STX3: variants seen among roughly 807,000 people sequenced by gnomAD.
The protein encoded by STX3 is syntaxin 3, also known as syntaxin-3.
STX3 carries 19 observed loss-of-function variants against 40.2 expected under a neutral mutation model. The ratio of observed to expected loss-of-function variants is 0.47; its 90% CI spans 0.33 to 0.69. The LOEUF is 0.69. Among genes scored for constraint, STX3 ranks in the 30% least tolerant of loss-of-function variants. STX3 has a pLI of 0.02. For missense variants in STX3, 364 were observed against 366.7 expected (o/e 0.99, Z 0.06); for synonymous variants, 122 against 132.2 (o/e 0.92, Z 0.53).
At chr11:59,796,891 G>T (rs945071194) in intron 9 of STX3, among the ~76,000 whole-genome samples, 1 of 152,148 alleles carries the variant, frequency 6.6e-6, no homozygotes, top group Non-Finnish European at 1.5e-5. Context: ...TGAGAGGATT[G>T]CTTGAGCCCA....
At chr11:59,760,353 A>G (rs1218303202) in intron 1 of STX3, among the ~76,000 whole-genome samples, 1 of 146,702 alleles carries the variant, frequency 6.8e-6, no homozygotes, top group Non-Finnish European at 1.5e-5. Context: ...AACTTAGAAT[A>G]CTCTCCTCCA....
At chr11:59,795,003 A>G (rs1865428900) in intron 8 of STX3, among the ~76,000 whole-genome samples, 1 of 152,246 alleles carries the variant, frequency 6.6e-6, no homozygotes, top group South Asian at 2.1e-4. Flanking sequence ...TGATGTCCTA[A>G]TAACAATGAG....
chr11:59,755,702 T>C, intron 1 of STX3, 67 bp downstream of exon 1: 1 of 1,487,070 alleles, frequency 6.7e-7, no homozygotes, highest in Non-Finnish European at 8.9e-7. Context: ...TTCCCTTTGC[T>C]CCCCAAGTCG....
chr11:59,800,669 C>T, intron 10 of STX3, 186 bp from the exon 11 acceptor site: 1 of 985,400 alleles, frequency 1.0e-6, no homozygotes, highest in Non-Finnish European at 1.2e-6. Flanking sequence ...TTTTTCCCCT[C>T]TCACAGTAGG....
intron 1 of STX3, among the ~76,000 whole-genome samples, chr11:59,771,517 GC>G (rs1462166330): frequency 6.6e-6 from 1 of 151,826 alleles, no homozygotes; most frequent in Non-Finnish European, 1.5e-5. Context: ...TGCAGTGGGA[GC>G]TTAGGGAGGT....
In STX3 at chr11:59,805,020, T is replaced by A. The variant is rs1866026220; in HGVS notation, c.*4196T>A. 2 of 151,948 alleles carry A rather than the reference T, an allele frequency of 1.3e-5. No individual in the cohort carries two copies. Among genetic ancestry groups the A allele is most frequent in the South Asian group, 4.2e-4 (2 of 4,814 alleles). The allele number at this position is 151,948 out of a possible 1,614,324, so 9.4% of individuals were successfully genotyped here. ...AGTGAAACCCCCTCTCTACAAAAAA[T>A]ACAAAAATTAGCCAGGCATGGTGGC... On this transcript the variant is annotated 3_prime_UTR_variant, in exon 11 of 11. Coordinates refer to ENST00000337979, the MANE Select transcript of STX3 (RefSeq NM_004177.5).
At chr11:59,795,803 T>C (rs1590827150) in intron 9 of STX3, 3 of 1,140,460 alleles carry the variant, frequency 2.6e-6, no homozygotes, top group East Asian at 5.1e-5. Context: ...CTTGAGCCCA[T>C]GCCTCCCTCC....
At chr11:59,794,435 T>C (rs1193918541) in intron 8 of STX3, among the ~76,000 whole-genome samples, 1 of 152,212 alleles carries the variant, frequency 6.6e-6, no homozygotes, top group African/African-American at 2.4e-5. Context: ...CTGCACAACC[T>C]AGTTGAAGCT....
At chr11:59,786,261 AG>A (rs1323704258) in intron 2 of STX3, among the ~76,000 whole-genome samples, 2 of 111,534 alleles carry the variant, frequency 1.8e-5, no homozygotes, top group African/African-American at 7.1e-5. Flanking sequence ...TTTTTTTTTG[AG>A]GCAGTCTCGC....
chr11:59,781,483 C>T lies in STX3; in HGVS notation c.115-5554C>T, dbSNP rs1590794136. ...TTGCAGACAGTCTGAGTTTTTCTGC[C>T]ATCAGCTGTGGTTTCTTCAAACTTC... On this transcript the variant is annotated intron_variant, in intron 2 of 10. Coordinates refer to ENST00000337979, the MANE Select transcript of STX3 (RefSeq NM_004177.5). 3 of 1,613,564 alleles carry T rather than the reference C, an allele frequency of 1.9e-6. No individual in the cohort carries two copies. In the African/African-American group the frequency reaches 4.0e-5, roughly 22 times the overall value.
chr11:59,794,194 G>A lies in STX3; in HGVS notation c.675+680G>A, dbSNP rs561038177. ...CAAAATAGCATTGACAGAAAGACTC[G>A]AAACACTCGTGGTGCTAGTTTGACA... On this transcript the variant is annotated intron_variant, in intron 8 of 10. Transcript: ENST00000337979. Among the ~76,000 whole-genome samples, 13 of 152,102 alleles carry A rather than the reference G, an allele frequency of 8.5e-5. 1 individual carries two copies. Among genetic ancestry groups the A allele is most frequent in the Admixed American group, 7.9e-4 (12 of 15,280 alleles).
chr11:59,779,503 C>T (rs1864210040), intron 2 of STX3, among the ~76,000 whole-genome samples: 1 of 152,204 alleles, frequency 6.6e-6, no homozygotes, highest in African/African-American at 2.4e-5. Flanking sequence ...TTTGGGAGAG[C>T]ACATTCAGTC....
intron 2 of STX3, among the ~76,000 whole-genome samples, chr11:59,778,627 C>G (rs903431985): frequency 6.6e-6 from 1 of 152,262 alleles, no homozygotes; most frequent in African/African-American, 2.4e-5. Context: ...GTGCAAAAAG[C>G]CTTCTGTGAT....
Position 59,773,267 on chromosome 11 carries a change from G to A in STX3, c.87G>A (p.Thr29=), listed in dbSNP as rs35804634. 9.3e-6 allele frequency: 15 copies of A among 1,614,088 alleles called. No homozygotes were observed. The African/African-American group carries it at 1.3e-4, about 14-fold the overall frequency. ...CGGTTGAGATTGCTATCGACAACAC[G>A]GCTTTTATGGACGAGTTCTTTTCTG... is the stretch of plus-strand genomic sequence containing the variant. ...TDAVEIAIDN[T]AFMDEFFSEI... The change falls in exon 2 of 11, where the codon ACG becomes ACA. Residue 29 remains threonine (T), a synonymous_variant. Transcript: ENST00000337979.
intron 10 of STX3, 44 bp downstream of exon 10, chr11:59,797,440 C>T: frequency 7.0e-7 from 1 of 1,435,752 alleles, no homozygotes; most frequent in African/African-American, 1.4e-5. Flanking sequence ...TTTGGCTCCT[C>T]AAGAGGAAAT....
intron 2 of STX3, among the ~76,000 whole-genome samples, chr11:59,775,722 G>A (rs143003744): frequency 5.1e-4 from 77 of 152,324 alleles, no homozygotes; most frequent in Middle Eastern, 3.4e-3. Flanking sequence ...GGGAAGGATC[G>A]TCAGACATAA....
chr11:59,798,492 G>A (rs1205765865), intron 10 of STX3, among the ~76,000 whole-genome samples: 2 of 152,004 alleles, frequency 1.3e-5, no homozygotes, highest in African/African-American at 4.8e-5. Context: ...ACTGCGCCCG[G>A]CCTGAATCAA....
At chr11:59,761,358 C>T (rs535444702) in intron 1 of STX3, among the ~76,000 whole-genome samples, 42 of 152,266 alleles carry the variant, frequency 2.8e-4, no homozygotes, top group Non-Finnish European at 5.0e-4. Flanking sequence ...CCTCGGACCC[C>T]GCAAACTTTA....
chr11:59,780,950 ATTCTT>A (rs1864328296), intron 2 of STX3, among the ~76,000 whole-genome samples: 1 of 152,198 alleles, frequency 6.6e-6, no homozygotes, highest in Admixed American at 6.5e-5. Flanking sequence ...TTCTGAGATC[ATTCTT>A]TTCTTTTCAT....
Sources: gnomAD v4.1 joint callset for allele counts (sites outside exome capture counted in the v4.1 genomes callset) on GRCh38, gnomAD v4.1.1 for gene constraint, MANE v1.5 for transcripts, NCBI Gene and HGNC (gene_info 2026-07-23, HGNC 2026-07-21) for gene names.